SIDT1: variants seen among roughly 807,000 people sequenced by gnomAD.
SIDT1 encodes the protein SID1 transmembrane family member 1.
SIDT1 carries 101 observed loss-of-function variants against 107.5 expected under a neutral mutation model. The ratio of observed to expected loss-of-function variants is 0.94; its 90% CI spans 0.80 to 1.11. The LOEUF is 1.11. SIDT1 is among the 50% of genes least tolerant of loss of function. The pLI is 0.00. For missense variants in SIDT1, 1,076 were observed against 1,058.2 expected (o/e 1.02, Z -0.23); for synonymous variants, 395 against 398.2 (o/e 0.99, Z 0.10).
chr3:113,569,904 T>C (rs80249027), intron 3 of SIDT1, among the ~76,000 whole-genome samples: 11,850 of 152,200 alleles, frequency 0.078, 657 homozygotes, highest in Middle Eastern at 0.22. Context: ...GTGCTTCAGT[T>C]TAATTTAATA....
chr3:113,612,536 G>A (rs1028365629), intron 19 of SIDT1: 1 of 405,176 alleles, frequency 2.5e-6, no homozygotes, highest in Non-Finnish European at 4.8e-6. Flanking sequence ...GTTCCACCTA[G>A]AGGAACATTT....
intron 1 of SIDT1, among the ~76,000 whole-genome samples, chr3:113,540,192 C>T (rs1053191796): frequency 2.0e-5 from 3 of 152,066 alleles, no homozygotes. Flanking sequence ...GAACAACCAA[C>T]TCTCATTGGA....
chr3:113,560,829 A>G (rs980026431), intron 1 of SIDT1, among the ~76,000 whole-genome samples: 9 of 152,164 alleles, frequency 5.9e-5, no homozygotes, highest in Admixed American at 2.0e-4. Flanking sequence ...TATATTCCTT[A>G]TAATTTTGAA....
At chr3:113,585,338 C>G in intron 9 of SIDT1, 68 bp downstream of exon 9, 1 of 1,156,400 alleles carries the variant, frequency 8.6e-7, no homozygotes, top group Admixed American at 1.7e-5. Flanking sequence ...GCAGCACAGA[C>G]TTGACAGATA....
intron 17 of SIDT1, among the ~76,000 whole-genome samples, chr3:113,610,572 T>C (rs1379147967): frequency 6.6e-6 from 1 of 152,230 alleles, no homozygotes; most frequent in East Asian, 1.9e-4. Context: ...GTGATTATAT[T>C]TTAGGGTGCT....
At chr3:113,596,277 C>T (rs907749494) in intron 10 of SIDT1, among the ~76,000 whole-genome samples, 1 of 152,218 alleles carries the variant, frequency 6.6e-6, no homozygotes, top group African/African-American at 2.4e-5. Flanking sequence ...CAGGTCCCTA[C>T]AGGTTGCCAA....
At chr3:113,610,309 A>G (rs1945642443) in intron 17 of SIDT1, among the ~76,000 whole-genome samples, 1 of 152,188 alleles carries the variant, frequency 6.6e-6, no homozygotes, top group Non-Finnish European at 1.5e-5. Context: ...TATTTTACCA[A>G]AAACTGACAA....
rs759850667 is a variant in SIDT1, at chr3:113,566,485, G to A, written c.288G>A (p.Val96=). The change falls in exon 2 of 25, where the codon GTG becomes GTA. Residue 96 remains valine, a synonymous_variant. Coordinates refer to ENST00000264852, the MANE Select transcript of SIDT1 (RefSeq NM_017699.3). ...ATCTCAACTACCCGGTCCTTGTTGT[G>A]GTTCGCCAGCAGAAAGAGGTGCTGT... The part of the protein sequence containing the change: ...SENLNYPVLV[V]VRQQKEVLSW... The A allele has an allele frequency of 1.2e-6, 2 of 1,614,000 alleles. No homozygotes were observed. Among genetic ancestry groups the A allele is most frequent in the Non-Finnish European group, 1.7e-6 (2 of 1,180,020 alleles).
chr3:113,618,286 A>C (rs1192807091), intron 20 of SIDT1, among the ~76,000 whole-genome samples: 1 of 152,172 alleles, frequency 6.6e-6, no homozygotes, highest in African/African-American at 2.4e-5. Context: ...ATAATATTCC[A>C]TTGCCCGGAT....
At chr3:113,555,768 A>G (rs17258900) in intron 1 of SIDT1, among the ~76,000 whole-genome samples, 5,819 of 152,186 alleles carry the variant, frequency 0.038, 160 homozygotes, top group Non-Finnish European at 0.054. Flanking sequence ...CTTTTCAATG[A>G]GATGAATGAG....
chr3:113,543,811 C>CAA (rs1576704869), intron 1 of SIDT1, among the ~76,000 whole-genome samples: 1 of 152,260 alleles, frequency 6.6e-6, no homozygotes, highest in East Asian at 1.9e-4. Flanking sequence ...CAATCATTAA[C>CAA]ATTTTGTCCA....
At position 113,611,043 on chromosome 3, in the gene SIDT1, A is replaced by G; in HGVS notation, c.1756A>G (p.Met586Val). Reference protein sequence around the residue: ...SFMYMIAGLCMLKLYQTRHPD... With the variant: ...SFMYMIAGLCVLKLYQTRHPD... ...CATGTACATGATCGCTGGCCTGTGC[A>G]TGCTGAAGCTCTATCAGACCCGCCA... Residue 586 changes from methionine to valine, a missense_variant, in exon 18 of 25, where the codon ATG becomes GTG. Transcript: ENST00000264852. 2 of 1,614,066 alleles carry G rather than the reference A, an allele frequency of 1.2e-6. No homozygotes were observed. Among genetic ancestry groups the G allele is most frequent in the East Asian group, 4.5e-5 (2 of 44,882 alleles).
intron 3 of SIDT1, among the ~76,000 whole-genome samples, chr3:113,570,495 A>C (rs1320485822): frequency 6.6e-6 from 1 of 152,268 alleles, no homozygotes; most frequent in Non-Finnish European, 1.5e-5. Flanking sequence ...GTGAAAATAA[A>C]GTCATAAGGT....
At chr3:113,605,691 A>T (rs1390169776) in intron 14 of SIDT1, among the ~76,000 whole-genome samples, 1 of 151,954 alleles carries the variant, frequency 6.6e-6, no homozygotes, top group African/African-American at 2.4e-5. Flanking sequence ...TTGAAGGTAA[A>T]TTTTTTTTGT....
intron 23 of SIDT1, among the ~76,000 whole-genome samples, chr3:113,624,706 T>A (rs577925402): frequency 2.0e-5 from 3 of 152,002 alleles, no homozygotes; most frequent in African/African-American, 7.2e-5. Flanking sequence ...CCACCCTTCC[T>A]GGACTCTGGT....
chr3:113,617,743 C>A (rs1946203663), intron 20 of SIDT1, among the ~76,000 whole-genome samples: 1 of 152,178 alleles, frequency 6.6e-6, no homozygotes, highest in South Asian at 2.1e-4. Flanking sequence ...TTGATAGAGG[C>A]TTCCTTTTTT....
chr3:113,559,734 C>T (rs1451190732), intron 1 of SIDT1, among the ~76,000 whole-genome samples: 4 of 152,160 alleles, frequency 2.6e-5, no homozygotes, highest in African/African-American at 9.7e-5. Context: ...CGTGAGCTAC[C>T]ACACCTGGCC....
At chr3:113,625,233 T>A (rs1221543521) in intron 23 of SIDT1, among the ~76,000 whole-genome samples, 4 of 152,004 alleles carry the variant, frequency 2.6e-5, no homozygotes, top group Non-Finnish European at 1.5e-5. Flanking sequence ...ACCTCCCAGG[T>A]TCAAGTGATT....
At chr3:113,611,765 C>T (rs1945760789) in intron 18 of SIDT1, among the ~76,000 whole-genome samples, 1 of 152,164 alleles carries the variant, frequency 6.6e-6, no homozygotes, top group Non-Finnish European at 1.5e-5. Flanking sequence ...CAGAAACCAC[C>T]TTCTAAATAC....
Sources: allele counts gnomAD v4.1 joint callset (sites outside exome capture counted in the v4.1 genomes callset), GRCh38; gene constraint gnomAD v4.1.1; transcripts MANE v1.5; gene names NCBI Gene and HGNC (gene_info 2026-07-23, HGNC 2026-07-21).